Variants in ALK observed in about 807,000 individuals in gnomAD.
ALK encodes the protein ALK receptor tyrosine kinase, also known as ALK tyrosine kinase receptor.
Under a neutral mutation model 163.1 loss-of-function variants are expected in ALK, and 74 were observed. The ratio of observed to expected loss-of-function variants is 0.45; its 90% CI spans 0.38 to 0.55. The LOEUF (loss-of-function observed/expected upper bound fraction) is 0.55, where lower values mean the gene tolerates loss of function less well. Ranked by LOEUF, ALK falls within the 20% of genes least tolerant of loss-of-function variation. ALK has a pLI of 0.00. For synonymous variants in ALK, 960 were observed against 843.2 expected (o/e 1.14, Z -2.40); for missense variants, 2,063 against 2,105.3 (o/e 0.98, Z 0.39).
At chr2:29,280,833 A>G (rs1400585269) in intron 9 of ALK, among the ~76,000 whole-genome samples, 1 of 149,830 alleles carries the variant, frequency 6.7e-6, no homozygotes, top group African/African-American at 2.5e-5. Flanking sequence ...CAGGTATACC[A>G]CTCTGGGACT....
At chr2:29,351,838 A>G (rs1461154845) in intron 5 of ALK, among the ~76,000 whole-genome samples, 1 of 152,136 alleles carries the variant, frequency 6.6e-6, no homozygotes, top group Non-Finnish European at 1.5e-5. Context: ...CAGAGAGAGA[A>G]GTGGCACTTA....
At chr2:29,579,558 CAGCGA>C (rs1674619845) in intron 3 of ALK, among the ~76,000 whole-genome samples, 1 of 152,234 alleles carries the variant, frequency 6.6e-6, no homozygotes, top group Non-Finnish European at 1.5e-5. Context: ...CAGATGTCCT[CAGCGA>C]TGTCCTCTAT....
intron 3 of ALK, among the ~76,000 whole-genome samples, chr2:29,677,157 C>T (rs1337858134): frequency 6.6e-6 from 1 of 151,288 alleles, no homozygotes; most frequent in Non-Finnish European, 1.5e-5. Flanking sequence ...TTATCCTTTC[C>T]AATCTGTATA....
At chr2:29,368,574 T>C (rs1050245415) in intron 5 of ALK, among the ~76,000 whole-genome samples, 3 of 152,162 alleles carry the variant, frequency 2.0e-5, no homozygotes, top group Non-Finnish European at 1.5e-5. Flanking sequence ...GGTGGGGAAA[T>C]GGACAGACCA....
At chr2:29,868,351 AACAG>A (rs1666493291) in intron 1 of ALK, among the ~76,000 whole-genome samples, 1 of 152,364 alleles carries the variant, frequency 6.6e-6, no homozygotes, top group South Asian at 2.1e-4. Context: ...CCATGAACAG[AACAG>A]ACAAAGATTC....
At chr2:29,542,390 G>A (rs935887600) in intron 3 of ALK, among the ~76,000 whole-genome samples, 2 of 152,176 alleles carry the variant, frequency 1.3e-5, no homozygotes, top group African/African-American at 4.8e-5. Flanking sequence ...CTGGGCCTAC[G>A]GTACAGCTAT....
intron 3 of ALK, among the ~76,000 whole-genome samples, chr2:29,556,295 A>G (rs762496454): frequency 2.6e-5 from 4 of 152,204 alleles, no homozygotes; most frequent in Non-Finnish European, 5.9e-5. Context: ...AGGGACAGTG[A>G]CAGGACTCTC....
Position 29,193,431 on chromosome 2 carries a change from C to T in ALK, c.4656G>A (p.Gly1552=), listed in dbSNP as rs952457982. The T allele has an allele frequency of 1.4e-5, 23 of 1,614,050 alleles. No individual in the cohort carries two copies. Among genetic ancestry groups the T allele is most frequent in the African/African-American group, 4.0e-5 (3 of 74,912 alleles). The change falls in exon 29 of 29, where the codon GGG becomes GGA. Residue 1552 remains glycine, a synonymous_variant. Coordinates refer to ENST00000389048, the MANE Select transcript of ALK (RefSeq NM_004304.5). ...PPNVATGRLP[G]ASLLLEPSSL... ...AAGAGGGCTCTAGGAGCAGTGAGGC[C>T]CCCGGAAGTCTCCCAGTTGCAACGT... is the stretch of plus-strand genomic sequence containing the variant.
intron 4 of ALK, among the ~76,000 whole-genome samples, chr2:29,402,353 G>C (rs534643259): frequency 2.6e-5 from 4 of 152,254 alleles, no homozygotes; most frequent in Admixed American, 6.5e-5. Flanking sequence ...AGCGTGAGCA[G>C]ATGCTTGTGC....
intron 8 of ALK, among the ~76,000 whole-genome samples, chr2:29,306,954 G>A (rs1253801279): frequency 3.9e-5 from 6 of 152,208 alleles, no homozygotes; most frequent in South Asian, 4.1e-4. Context: ...CCTGCCTCTC[G>A]GAAGGGACTG....
intron 3 of ALK, among the ~76,000 whole-genome samples, chr2:29,568,794 T>C (rs970510133): frequency 2.6e-5 from 4 of 152,214 alleles, no homozygotes; most frequent in African/African-American, 9.6e-5. Flanking sequence ...TCTATAAAGA[T>C]GCTGTGTGTT....
chr2:29,915,148 T>C (rs1255949436), intron 1 of ALK, among the ~76,000 whole-genome samples: 1 of 152,226 alleles, frequency 6.6e-6, no homozygotes, highest in Non-Finnish European at 1.5e-5. Flanking sequence ...GCAGTGATCC[T>C]GAGTGGCAGG....
At chr2:29,660,695 T>C (rs1367669704) in intron 3 of ALK, among the ~76,000 whole-genome samples, 1 of 149,452 alleles carries the variant, frequency 6.7e-6, no homozygotes, top group African/African-American at 2.5e-5. Context: ...GAAAAAGGGG[T>C]GGTCAGAAGA....
rs145371723 is a variant in ALK, at chr2:29,749,427, C to T, written c.668-31730G>A. ...CAGCACTTCAGTTGCTAAGCACCCA[C>T]TCAGAGAACAAATACTCCAAAGGAA... On this transcript the variant is annotated intron_variant, in intron 1 of 28. Coordinates refer to ENST00000389048, the MANE Select transcript of ALK (RefSeq NM_004304.5). Among the ~76,000 whole-genome samples the T allele has an allele frequency of 5.2e-3, 789 of 152,302 alleles. 13 individuals carry two copies. The highest frequency in any genetic ancestry group is 0.017 in the African/African-American group (722 of 41,564).
chr2:29,404,683 A>G (rs1669537518), intron 4 of ALK, among the ~76,000 whole-genome samples: 1 of 152,206 alleles, frequency 6.6e-6, no homozygotes, highest in Admixed American at 6.5e-5. Flanking sequence ...TAAGTACTGG[A>G]CAGAGATGAT....
intron 4 of ALK, among the ~76,000 whole-genome samples, chr2:29,482,742 T>C (rs199974035): frequency 9.3e-5 from 14 of 150,912 alleles, no homozygotes; most frequent in Admixed American, 9.2e-4. Context: ...AAAACAACAA[T>C]AACAACAACA....
chr2:29,796,443 C>G (rs1274004439), intron 1 of ALK, among the ~76,000 whole-genome samples: 1 of 152,154 alleles, frequency 6.6e-6, no homozygotes, highest in Non-Finnish European at 1.5e-5. Context: ...AGACCTGCAT[C>G]TGAACAAATG....
chr2:29,214,191 C>T (rs1669539948), intron 23 of ALK, 110 bp from the exon 24 acceptor site: 9 of 901,838 alleles, frequency 1.0e-5, no homozygotes, highest in Admixed American at 2.0e-5. Context: ...GAACATGCAG[C>T]TACACCAGGG....
chr2:29,682,246 A>G (rs1039206013), intron 3 of ALK, among the ~76,000 whole-genome samples: 10 of 152,180 alleles, frequency 6.6e-5, no homozygotes, highest in Non-Finnish European at 1.3e-4. Context: ...AATGAGAGAA[A>G]TGAATGAAGC....
Sources: gnomAD v4.1 joint callset for allele counts (sites outside exome capture counted in the v4.1 genomes callset) on GRCh38, gnomAD v4.1.1 for gene constraint, MANE v1.5 for transcripts, NCBI Gene and HGNC (gene_info 2026-07-23, HGNC 2026-07-21) for gene names.